Variants in GTF3C1 observed in about 807,000 individuals in gnomAD.
The protein encoded by GTF3C1 is general transcription factor 3C polypeptide 1.
Under a neutral mutation model 226.7 loss-of-function variants are expected in GTF3C1, and 57 were observed. The observed-to-expected ratio is 0.25, with a 90% CI of 0.20 to 0.31. The LOEUF is 0.31. Ranked by LOEUF, GTF3C1 falls within the 10% of genes least tolerant of loss-of-function variation. The pLI, the probability that GTF3C1 is intolerant of heterozygous loss-of-function variation, is 1.00. For synonymous variants in GTF3C1, 1,090 were observed against 1,084.8 expected (o/e 1.00, Z -0.09); for missense variants, 2,217 against 2,776.1 (o/e 0.80, Z 4.53).
rs2088340039 is a variant in GTF3C1 at position 27,497,662 on chromosome 16, C to CG, written c.2324dup (p.Leu776AlafsTer2). The stretch of plus-strand genomic sequence containing the variant: ...CTACAATGGGGTGATAATTTCTAAG[C>CG]GGGGTTATGCCCATTTTATTATCAC... On this transcript the variant is annotated frameshift_variant, in exon 14 of 37. Coordinates refer to ENST00000356183, the MANE Select transcript of GTF3C1 (RefSeq NM_001520.4). LOFTEE classifies it high-confidence loss of function. 1 of 1,613,312 alleles carries CG rather than the reference C, an allele frequency of 6.2e-7. No individual in the cohort carries two copies.
At position 27,536,335 on chromosome 16, in the gene GTF3C1, G is replaced by A. The variant is rs564898046; in HGVS notation, c.752+1449C>T. Among the ~76,000 whole-genome samples, 90 of 152,322 alleles carry A rather than the reference G, an allele frequency of 5.9e-4. 3 individuals are homozygous for A. Among genetic ancestry groups the A allele is most frequent in the Admixed American group, 1.0e-3 (16 of 15,302 alleles). ...TAGCTGGGCACGGTGGCTGACGCCT[G>A]TAATCCCAGCACTTTGGGAGGCCAA... On this transcript the variant is annotated intron_variant, in intron 4 of 36. Coordinates refer to ENST00000356183, the MANE Select transcript of GTF3C1 (RefSeq NM_001520.4).
chr16:27,511,336 T>C (rs2088567831), intron 7 of GTF3C1, among the ~76,000 whole-genome samples: 1 of 152,258 alleles, frequency 6.6e-6, no homozygotes, highest in African/African-American at 2.4e-5. Context: ...AACTGGGACC[T>C]GCCCCCACGG....
chr16:27,479,739 G>T (rs1420993852), intron 27 of GTF3C1, among the ~76,000 whole-genome samples: 2 of 152,154 alleles, frequency 1.3e-5, no homozygotes, highest in Non-Finnish European at 2.9e-5. Flanking sequence ...AAACTGCTGG[G>T]ATGATGGGTG....
In GTF3C1 at chr16:27,545,319, A is replaced by G; in HGVS notation, c.426T>C (p.Phe142=). The G allele has an allele frequency of 6.2e-7, 1 of 1,610,436 alleles. No individual in the cohort carries two copies. Among genetic ancestry groups the G allele is most frequent in the South Asian group, 1.1e-5 (1 of 91,010 alleles). The change falls in exon 2 of 37, where the codon TTT becomes TTC. Residue 142 remains phenylalanine (F), a synonymous_variant. Transcript: ENST00000356183. ...LQPRCTMVEA[F]DRWGKKLIIV... ...TGATGGTGCAAAATAGTTACCTGTC[A>G]AAGGCTTCCACCATTGTACAGCGAG... is the stretch of plus-strand genomic sequence containing the variant.
At chr16:27,480,133 G>A (rs998330382) in intron 27 of GTF3C1, among the ~76,000 whole-genome samples, 5 of 151,296 alleles carry the variant, frequency 3.3e-5, no homozygotes, top group African/African-American at 4.9e-5. Context: ...CCTGGGAAGC[G>A]GAGCTTGCAG....
chr16:27,481,589 A>T (rs2088049130), intron 26 of GTF3C1, among the ~76,000 whole-genome samples: 1 of 152,026 alleles, frequency 6.6e-6, no homozygotes, highest in Non-Finnish European at 1.5e-5. Context: ...CCTCTGCCCC[A>T]GCCTCACACT....
intron 6 of GTF3C1, among the ~76,000 whole-genome samples, chr16:27,520,845 A>G (rs2088736534): frequency 6.6e-6 from 1 of 152,018 alleles, no homozygotes; most frequent in Non-Finnish European, 1.5e-5. Flanking sequence ...CAGCCTCCCA[A>G]GTAGCTGGGA....
chr16:27,463,646 C>T lies in GTF3C1; in HGVS notation c.5873-54G>A. The T allele has an allele frequency of 9.9e-7, 1 of 1,011,130 alleles. No homozygotes were observed. Among genetic ancestry groups the T allele is most frequent in the Non-Finnish European group, 1.6e-6 (1 of 628,782 alleles). 62.6% of individuals were successfully genotyped at this position (1,011,130 alleles called of 1,614,324 possible). A position where few individuals can be genotyped will look rare whatever the true frequency, so the allele number is the denominator to read the frequency against. ...ACTCGGAAAGTCAGGGAAGCCATCT[C>T]TGCCCTCCAACCTTCAGCATGGTAC... On this transcript the variant is annotated intron_variant, in intron 34 of 36. Transcript: ENST00000356183. The surrounding 1 kb of genome is among the most constrained non-coding windows in gnomAD (Gnocchi z 4.9).
At position 27,461,920 on chromosome 16, in the gene GTF3C1, G is replaced by A. The variant is rs2087711250; in HGVS notation, c.6118-358C>T. On this transcript the variant is annotated intron_variant, in intron 36 of 36. Transcript: ENST00000356183. This position sits in a 1 kb window ranked among gnomAD's most constrained non-coding sequence, Gnocchi z 5.3. ...TGGGGAATTTGACACTCAACTTCAA[G>A]CTCCTAGCTGCCAGAGGAGCTGGAG... 7.9e-6 allele frequency: 3 copies of A among 378,606 alleles called. No homozygotes were observed. In the Admixed American group the frequency reaches 1.2e-4, roughly 15 times the overall value. The allele number at this position is 378,606 out of a possible 1,614,324, so 23.5% of individuals were successfully genotyped here. A position where few individuals can be genotyped will look rare whatever the true frequency, so the allele number is the denominator to read the frequency against.
At chr16:27,546,010 G>A (rs148464456) in intron 1 of GTF3C1, among the ~76,000 whole-genome samples, 2 of 152,154 alleles carry the variant, frequency 1.3e-5, no homozygotes, top group South Asian at 2.1e-4. Context: ...CACCACGCCC[G>A]GCTAATTTTG....
rs1596627123 is a variant in GTF3C1, at chr16:27,488,267, C to T, written c.3660G>A (p.Leu1220=). 1.9e-6 allele frequency: 3 copies of T among 1,614,228 alleles called. No individual in the cohort carries two copies. The highest frequency in any genetic ancestry group is 1.1e-5 in the South Asian group (1 of 91,080). ...RGGKSQKRKR[L]KKDPGKKIKR... is the part of the protein sequence containing the mutation. ...TGATCTTCTTCCCAGGGTCCTTCTT[C>T]AGCCGCTTCCGCTTCTGGCTTTTCC... Residue 1220 remains leucine, a synonymous_variant, in exon 23 of 37, where the codon CTG becomes CTA. Transcript: ENST00000356183.
intron 7 of GTF3C1, 126 bp downstream of exon 7, chr16:27,511,623 G>T: frequency 1.0e-6 from 1 of 997,408 alleles, no homozygotes; most frequent in Non-Finnish European, 1.5e-6. Flanking sequence ...CCCTTCTGGG[G>T]AACCAAGGCA....
intron 6 of GTF3C1, among the ~76,000 whole-genome samples, chr16:27,518,633 C>T (rs930764970): frequency 1.3e-5 from 2 of 152,104 alleles, no homozygotes; most frequent in Non-Finnish European, 2.9e-5. Flanking sequence ...GATTTGATTC[C>T]ACAACCATTT....
chr16:27,488,196 G>A, intron 23 of GTF3C1, 31 bp downstream of exon 23: 1 of 1,583,592 alleles, frequency 6.3e-7, no homozygotes, highest in Non-Finnish European at 8.6e-7. Flanking sequence ...CAAAGACAAG[G>A]CCCAGTAAAT....
In GTF3C1 at chr16:27,461,730, G is replaced by A; in HGVS notation, c.6118-168C>T. ...ATGGGGATGTACCAGGAGGGTTCAG[G>A]CAAAGGCCCTGGTGGGAGAGGCAGC... On this transcript the variant is annotated intron_variant, in intron 36 of 36. Transcript: ENST00000356183. This position sits in a 1 kb window ranked among gnomAD's most constrained non-coding sequence, Gnocchi z 5.3. 1.6e-6 allele frequency: 1 copy of A among 612,688 alleles called. No homozygotes were observed. 38.0% of individuals were successfully genotyped at this position (612,688 alleles called of 1,614,324 possible). A position where few individuals can be genotyped will look rare whatever the true frequency, so the allele number is the denominator to read the frequency against.
At chr16:27,531,163 G>GGCCA (rs149116101) in intron 5 of GTF3C1, among the ~76,000 whole-genome samples, 3,615 of 152,142 alleles carry the variant, frequency 0.024, 67 homozygotes, top group Middle Eastern at 0.048. Context: ...ATTTCTACAC[G>GGCCA]GCCAGCAGCA....
chr16:27,493,826 GACTCTACTT>G (rs2088269588), intron 16 of GTF3C1, among the ~76,000 whole-genome samples: 1 of 152,106 alleles, frequency 6.6e-6, no homozygotes. Context: ...AGAATACTAT[GACTCTACTT>G]AATATCAAGT....
intron 6 of GTF3C1, among the ~76,000 whole-genome samples, chr16:27,514,161 C>T (rs1413674597): frequency 2.6e-5 from 4 of 152,074 alleles, no homozygotes; most frequent in African/African-American, 7.3e-5. Flanking sequence ...CCACTCCTCA[C>T]AGCATCAGAA....
rs1433774048 is a variant in GTF3C1, at chr16:27,464,528, G to A, written c.5664C>T (p.Leu1888=). 2.0e-6 allele frequency: 3 copies of A among 1,518,402 alleles called. No individual in the cohort carries two copies. The highest frequency in any genetic ancestry group is 1.3e-5 in the South Asian group (1 of 75,878). 94.1% of individuals were successfully genotyped at this position (1,518,402 alleles called of 1,614,324 possible). A position where few individuals can be genotyped will look rare whatever the true frequency, so the allele number is the denominator to read the frequency against. The change falls in exon 34 of 37, where the codon CTC becomes CTT. Residue 1888 remains leucine (L), a synonymous_variant. Transcript: ENST00000356183. ...GGCTGGGGGCCAAATTTGAGTCCTG[G>A]AGCGCTGGCCTCTTGGCAGGGGTCA... ...TQMTPAKRPA[L]QDSNLAPSLG...
Sources: allele counts gnomAD v4.1 joint callset (sites outside exome capture counted in the v4.1 genomes callset), GRCh38; gene constraint gnomAD v4.1.1; non-coding constraint Gnocchi (gnomAD v3.1); transcripts MANE v1.5; gene names NCBI Gene and HGNC (gene_info 2026-07-23, HGNC 2026-07-21).